Variants in ATP9A observed in about 807,000 individuals in gnomAD.
ATP9A encodes the protein probable phospholipid-transporting ATPase IIA.
ATP9A carries 52 observed loss-of-function variants against 144.1 expected under a neutral mutation model. That is an observed-to-expected ratio of 0.36 (90% CI 0.29 to 0.45). The LOEUF is 0.45. Among genes scored for constraint, ATP9A ranks in the 20% least tolerant of loss-of-function variants. ATP9A has a pLI of 1.00. For missense variants in ATP9A, 947 were observed against 1,392.7 expected, an observed-to-expected ratio of 0.68 and a Z score of 5.09; for synonymous variants, 582 against 557.4, an observed-to-expected ratio of 1.04 and a Z score of -0.62.
At chr20:51,720,554 G>C (rs1180371519) in intron 3 of ATP9A, among the ~76,000 whole-genome samples, 1 of 152,130 alleles carries the variant, frequency 6.6e-6, no homozygotes, top group Admixed American at 6.5e-5. Context: ...CAGTTTCCTA[G>C]GCCTAGCGCA....
At position 51,598,953 on chromosome 20, in the gene ATP9A, C is replaced by T. The variant is rs1431314631; in HGVS notation, c.*2258G>A. On this transcript the variant is annotated 3_prime_UTR_variant, in exon 28 of 28. Transcript: ENST00000338821. Reference sequence around the variant, plus strand: ...TGTGGAGAACACTGACGAGTACCTTCCACTTCCAACTATGGCTTCTTCAGC... The same window carrying T: ...TGTGGAGAACACTGACGAGTACCTTTCACTTCCAACTATGGCTTCTTCAGC... 2.0e-5 allele frequency: 3 copies of T among 152,272 alleles called. No homozygotes were observed. The highest frequency in any genetic ancestry group is 2.0e-4 in the Admixed American group (3 of 15,286). 9.4% of individuals were successfully genotyped at this position (152,272 alleles called of 1,614,324 possible). A position where few individuals can be genotyped will look rare whatever the true frequency, so the allele number is the denominator to read the frequency against.
At chr20:51,737,951 G>A (rs576900550) in intron 1 of ATP9A, among the ~76,000 whole-genome samples, 11 of 152,054 alleles carry the variant, frequency 7.2e-5, no homozygotes, top group African/African-American at 2.7e-4. Flanking sequence ...ATTCTTAGGA[G>A]ACTGAAGTGG....
chr20:51,599,467 A>G lies in ATP9A; in HGVS notation c.*1744T>C, dbSNP rs1042704939. 1 of 152,224 alleles carries G rather than the reference A, an allele frequency of 6.6e-6. No individual in the cohort carries two copies. Among genetic ancestry groups the G allele is most frequent in the Non-Finnish European group, 1.5e-5 (1 of 68,040 alleles). 9.4% of individuals were successfully genotyped at this position (152,224 alleles called of 1,614,324 possible). On this transcript the variant is annotated 3_prime_UTR_variant, in exon 28 of 28. Coordinates refer to ENST00000338821, the MANE Select transcript of ATP9A (RefSeq NM_006045.3). ...TCCTATCCTTAACTATTCACTCAAT[A>G]CATCTTTTCTGCCGACCTTTTCCCT...
At chr20:51,630,736 G>A (rs746268676) in intron 15 of ATP9A, among the ~76,000 whole-genome samples, 16 of 152,164 alleles carry the variant, frequency 1.1e-4, no homozygotes, top group African/African-American at 2.6e-4. Flanking sequence ...GTGCAAATGC[G>A]CCATGCTGAC....
intron 24 of ATP9A, among the ~76,000 whole-genome samples, chr20:51,609,409 C>T (rs769162216): frequency 2.0e-5 from 3 of 152,124 alleles, no homozygotes; most frequent in South Asian, 2.1e-4. Flanking sequence ...CTGACCTTCC[C>T]GCACCCGCCG....
At chr20:51,730,443 G>A (rs2077735889) in intron 1 of ATP9A, among the ~76,000 whole-genome samples, 1 of 152,212 alleles carries the variant, frequency 6.6e-6, no homozygotes, top group African/African-American at 2.4e-5. Flanking sequence ...ACTCCAGCCT[G>A]GCGAAAGACT....
At position 51,666,609 on chromosome 20, in the gene ATP9A, G is replaced by A. The variant is rs147692205; in HGVS notation, c.1293+3388C>T. Among the ~76,000 whole-genome samples the A allele has an allele frequency of 4.2e-3, 644 of 151,564 alleles. 8 individuals carry two copies. Among genetic ancestry groups the A allele is most frequent in the African/African-American group, 0.015 (604 of 41,190 alleles). On this transcript the variant is annotated intron_variant, in intron 13 of 27. Coordinates refer to ENST00000338821, the MANE Select transcript of ATP9A (RefSeq NM_006045.3). ...GGCAGAGAATTGCTTGAACCCGGGA[G>A]GTGGAGGTTGCAGTGAGCCGAGATC...
At chr20:51,685,224 TC>T (rs1474073412) in intron 9 of ATP9A, among the ~76,000 whole-genome samples, 1 of 152,088 alleles carries the variant, frequency 6.6e-6, no homozygotes, top group Non-Finnish European at 1.5e-5. Context: ...GAGGCAAGTT[TC>T]CTGGGTGAAT....
intron 4 of ATP9A, among the ~76,000 whole-genome samples, chr20:51,705,990 CT>C (rs1251048132): frequency 1.3e-5 from 2 of 152,168 alleles, no homozygotes; most frequent in African/African-American, 4.8e-5. Flanking sequence ...TCTTAAGTCT[CT>C]GATGTTTAAA....
chr20:51,609,720 G>C (rs2077178001), intron 24 of ATP9A, among the ~76,000 whole-genome samples: 1 of 152,152 alleles, frequency 6.6e-6, no homozygotes, highest in African/African-American at 2.4e-5. Context: ...CTCAGTTCAG[G>C]CCAGGAGGGC....
chr20:51,610,075 T>C (rs1331174027), intron 24 of ATP9A, 26 bp downstream of exon 24: 1 of 1,559,110 alleles, frequency 6.4e-7, no homozygotes, highest in South Asian at 1.1e-5. Context: ...TTGTAAACAA[T>C]TAATTCCTTG....
chr20:51,719,426 AT>A (rs1046521781), intron 3 of ATP9A, among the ~76,000 whole-genome samples: 1 of 152,046 alleles, frequency 6.6e-6, no homozygotes. Flanking sequence ...TGTGTATCTT[AT>A]TTTTTTCCTA....
intron 3 of ATP9A, among the ~76,000 whole-genome samples, chr20:51,721,209 C>T (rs781528049): frequency 2.6e-5 from 4 of 152,224 alleles, no homozygotes; most frequent in African/African-American, 7.2e-5. Context: ...TCCACAAGCA[C>T]GTCTACACCA....
intron 23 of ATP9A, 93 bp from the exon 24 acceptor site, chr20:51,610,258 C>T (rs1158849285): frequency 1.0e-6 from 1 of 994,072 alleles, no homozygotes; most frequent in African/African-American, 1.6e-5. Context: ...TTACATAACA[C>T]CCGCGCCGGC....
chr20:51,643,459 C>T (rs916229401), intron 14 of ATP9A, among the ~76,000 whole-genome samples: 1 of 152,174 alleles, frequency 6.6e-6, no homozygotes, highest in African/African-American at 2.4e-5. Context: ...GAGATGGGGC[C>T]TCTGGGAGGT....
intron 13 of ATP9A, among the ~76,000 whole-genome samples, chr20:51,663,882 C>A (rs911528940): frequency 6.6e-6 from 1 of 151,832 alleles, no homozygotes; most frequent in African/African-American, 2.4e-5. Flanking sequence ...CGCTCTCTGG[C>A]AGTCAGTACT....
At chr20:51,708,143 C>T (rs529565922) in intron 4 of ATP9A, among the ~76,000 whole-genome samples, 2 of 151,916 alleles carry the variant, frequency 1.3e-5, no homozygotes, top group South Asian at 4.2e-4. Flanking sequence ...AAAATTAATC[C>T]AATTGATGTT....
intron 4 of ATP9A, among the ~76,000 whole-genome samples, chr20:51,700,698 C>T (rs970253436): frequency 6.6e-6 from 1 of 152,048 alleles, no homozygotes; most frequent in East Asian, 1.9e-4. Flanking sequence ...GATGTGGTGG[C>T]ACACGCCTGT....
intron 7 of ATP9A, among the ~76,000 whole-genome samples, 181 bp downstream of exon 7, chr20:51,693,827 C>T (rs939043854): frequency 2.0e-5 from 3 of 152,184 alleles, no homozygotes; most frequent in Non-Finnish European, 4.4e-5. Context: ...TCCCTGCACT[C>T]GGGGTCTGCT....
Sources: gnomAD v4.1 joint callset for allele counts (sites outside exome capture counted in the v4.1 genomes callset) on GRCh38, gnomAD v4.1.1 for gene constraint, MANE v1.5 for transcripts, NCBI Gene and HGNC (gene_info 2026-07-23, HGNC 2026-07-21) for gene names.